Variants in TMT1A observed in about 807,000 individuals in gnomAD.
TMT1A encodes thiol S-methyltransferase TMT1A.
At chr12:50,926,790 A>T in the TMT1A span, among the ~76,000 whole-genome samples, 1 of 152,244 alleles carries the variant, frequency 6.6e-6, no homozygotes, top group South Asian at 2.1e-4. Context: ...AGTAACTATT[A>T]ACAGTGGTTG....
chr12:50,926,394 G>T, the TMT1A span, among the ~76,000 whole-genome samples: 2 of 152,174 alleles, frequency 1.3e-5, no homozygotes, highest in African/African-American at 2.4e-5. Flanking sequence ...CACATTAGAA[G>T]AGGTACCCTC....
the TMT1A span, among the ~76,000 whole-genome samples, chr12:50,928,170 A>G: frequency 6.7e-3 from 1,027 of 152,270 alleles, 14 homozygotes; most frequent in African/African-American, 0.023. Context: ...AGTGCTTGTT[A>G]TTGGGGTTTT....
chr12:50,925,660 AT>A, the TMT1A span: 1 of 1,170,270 alleles, frequency 8.5e-7, no homozygotes, highest in South Asian at 1.8e-5. Context: ...ATACTGTAGA[AT>A]TTTTTAAAAT....
chr12:50,925,591 C>G, the TMT1A span: 1 of 1,536,278 alleles, frequency 6.5e-7, no homozygotes, highest in Non-Finnish European at 8.8e-7. Flanking sequence ...TCATAGAGGG[C>G]AGGCCTGTCA....
At chr12:50,928,494 G>A in the TMT1A span, among the ~76,000 whole-genome samples, 1 of 152,200 alleles carries the variant, frequency 6.6e-6, no homozygotes. Context: ...AATTCCTGGT[G>A]GCTCCACCCC....
chr12:50,931,317 T>C, the TMT1A span: 1 of 152,094 alleles, frequency 6.6e-6, no homozygotes, highest in South Asian at 2.1e-4. Flanking sequence ...GAAAAGGTCT[T>C]AATAATTTAT....
At chr12:50,932,258 T>C in the TMT1A span, 1 of 152,188 alleles carries the variant, frequency 6.6e-6, no homozygotes, top group Non-Finnish European at 1.5e-5. Flanking sequence ...TAAATATTTT[T>C]TGGATTATTC....
the TMT1A span, chr12:50,930,480 G>A: frequency 9.5e-3 from 1,659 of 174,620 alleles, 11 homozygotes; most frequent in Non-Finnish European, 0.016. Flanking sequence ...GTTTCACTAC[G>A]TTGGCCAGGC....
chr12:50,931,252 T>C, the TMT1A span: 13 of 152,210 alleles, frequency 8.5e-5, no homozygotes, highest in African/African-American at 2.9e-4. Flanking sequence ...CTTTGAGAGC[T>C]TGGTAATAAG....
the TMT1A span, chr12:50,929,936 A>G: frequency 6.2e-7 from 1 of 1,612,988 alleles, no homozygotes; most frequent in Non-Finnish European, 8.5e-7. Context: ...TATTTCATGG[A>G]GCATGTGGCA....
chr12:50,927,548 C>T, the TMT1A span, among the ~76,000 whole-genome samples: 9 of 152,318 alleles, frequency 5.9e-5, no homozygotes, highest in African/African-American at 1.4e-4. Context: ...CTCCCAACAC[C>T]GCTGCAAGGC....
the TMT1A span, among the ~76,000 whole-genome samples, chr12:50,927,076 G>A: frequency 6.6e-6 from 1 of 152,168 alleles, no homozygotes; most frequent in Non-Finnish European, 1.5e-5. Flanking sequence ...CTGGAGTGCA[G>A]TGGCATGATC....
At chr12:50,930,338 GAC>G in the TMT1A span, 1 of 524,426 alleles carries the variant, frequency 1.9e-6, no homozygotes. Flanking sequence ...GGAGTGCAAT[GAC>G]GTGATCTCCG....
At chr12:50,928,515 C>T in the TMT1A span, among the ~76,000 whole-genome samples, 1 of 152,318 alleles carries the variant, frequency 6.6e-6, no homozygotes, top group South Asian at 2.1e-4. Flanking sequence ...ATTCCCCCAG[C>T]GTGCATGTGG....
chr12:50,925,154 T>G, the TMT1A span: 1 of 1,614,166 alleles, frequency 6.2e-7, no homozygotes, highest in Non-Finnish European at 8.5e-7. Flanking sequence ...TTCCCCTACT[T>G]CTTGGTGAGG....
chr12:50,928,978 C>G, the TMT1A span, among the ~76,000 whole-genome samples: 2 of 152,084 alleles, frequency 1.3e-5, no homozygotes, highest in African/African-American at 4.8e-5. Context: ...TAGCTCACGC[C>G]TGTAATCCCA....
the TMT1A span, among the ~76,000 whole-genome samples, chr12:50,929,590 CAA>C: frequency 2.0e-5 from 3 of 152,202 alleles, no homozygotes; most frequent in Non-Finnish European, 4.4e-5. Flanking sequence ...CTAATTCCTA[CAA>C]AGAGTAATTT....
the TMT1A span, among the ~76,000 whole-genome samples, chr12:50,926,619 T>C: frequency 6.6e-6 from 1 of 152,216 alleles, no homozygotes; most frequent in Non-Finnish European, 1.5e-5. Flanking sequence ...AAGAGTTATC[T>C]GTGCTGATAC....
At chr12:50,926,158 T>A in the TMT1A span, among the ~76,000 whole-genome samples, 3 of 152,000 alleles carry the variant, frequency 2.0e-5, no homozygotes, top group Admixed American at 6.5e-5. Context: ...TTCCCTCATG[T>A]TAAAAGACAT....
Sources: allele counts gnomAD v4.1 joint callset (sites outside exome capture counted in the v4.1 genomes callset), GRCh38; gene constraint gnomAD v4.1.1; transcripts MANE v1.5; gene names NCBI Gene and HGNC (gene_info 2026-07-23, HGNC 2026-07-21).